ATP10B: variants seen among roughly 807,000 people sequenced by gnomAD.
The protein encoded by ATP10B is phospholipid-transporting ATPase VB.
In ATP10B, 122 loss-of-function variants were observed where a neutral mutation model predicts 141.2. The ratio of observed to expected loss-of-function variants is 0.86; its 90% confidence interval spans 0.75 to 1.00. The LOEUF is 1.00. Ranked by LOEUF, ATP10B falls within the 50% of genes least tolerant of loss-of-function variation. The pLI, the probability that ATP10B is intolerant of heterozygous loss-of-function variation, is 0.00. For missense variants in ATP10B, 1,876 were observed against 1,825.3 expected (o/e 1.03, Z -0.51); for synonymous variants, 685 against 692.0 (o/e 0.99, Z 0.16).
At chr5:160,911,028 C>G in the ATP10B span, among the ~76,000 whole-genome samples, 4 of 152,228 alleles carry the variant, frequency 2.6e-5, no homozygotes, top group Non-Finnish European at 4.4e-5. Context: ...GACCCACCCT[C>G]AGGTATTCCT....
At chr5:160,681,658 C>T (rs934709796) in intron 6 of ATP10B, among the ~76,000 whole-genome samples, 3 of 152,142 alleles carry the variant, frequency 2.0e-5, no homozygotes, top group African/African-American at 4.8e-5. Context: ...ACTTATTATT[C>T]TTTTGCAGAG....
At chr5:160,638,546 G>T (rs1447364520) in intron 10 of ATP10B, among the ~76,000 whole-genome samples, 1 of 152,078 alleles carries the variant, frequency 6.6e-6, no homozygotes. Flanking sequence ...CCTTACAGCT[G>T]TGAGCCAGCC....
intron 3 of ATP10B, among the ~76,000 whole-genome samples, chr5:160,707,812 G>T (rs576694350): frequency 1.3e-5 from 2 of 152,254 alleles, no homozygotes; most frequent in Admixed American, 6.5e-5. Flanking sequence ...CACAGGCTTC[G>T]GCATTTAAGT....
chr5:160,879,793 G>A, the ATP10B span, among the ~76,000 whole-genome samples: 7 of 152,046 alleles, frequency 4.6e-5, no homozygotes, highest in Non-Finnish European at 8.8e-5. Flanking sequence ...AGCCGAGATG[G>A]CGCCACTGCA....
chr5:160,895,972 G>T, the ATP10B span, among the ~76,000 whole-genome samples: 123 of 152,262 alleles, frequency 8.1e-4, 1 homozygote, highest in African/African-American at 2.9e-3. Flanking sequence ...AATGAAGGCA[G>T]AAATAAAGAA....
intron 18 of ATP10B, among the ~76,000 whole-genome samples, chr5:160,607,806 T>G (rs1757480303): frequency 6.6e-6 from 1 of 152,232 alleles, no homozygotes; most frequent in African/African-American, 2.4e-5. Flanking sequence ...CTTTTTCAAT[T>G]TTTTCTTCCA....
In ATP10B at chr5:160,598,975, A is replaced by G; in HGVS notation, c.3364-5T>C. 1 of 1,613,798 alleles carries G rather than the reference A, an allele frequency of 6.2e-7. No individual in the cohort carries two copies. Among genetic ancestry groups the G allele is most frequent in the Non-Finnish European group, 8.5e-7 (1 of 1,179,878 alleles). On this transcript the variant is annotated splice_region_variant and splice_polypyrimidine_tract_variant and intron_variant, in intron 21 of 25. Transcript: ENST00000327245. ...GAAGAGCAGGTTGACGTAGCACTGCAGGCAGAGAGCATGGCCTTGTGAGTG... is the reference window on the plus strand; with the variant it reads ...GAAGAGCAGGTTGACGTAGCACTGCGGGCAGAGAGCATGGCCTTGTGAGTG...
At chr5:160,698,431 C>G (rs1454508405) in intron 3 of ATP10B, among the ~76,000 whole-genome samples, 1 of 152,144 alleles carries the variant, frequency 6.6e-6, no homozygotes, top group Non-Finnish European at 1.5e-5. Context: ...TATTCAAAGG[C>G]ATTATTAATT....
At chr5:160,708,652 T>C (rs1233913596) in intron 3 of ATP10B, among the ~76,000 whole-genome samples, 1 of 152,168 alleles carries the variant, frequency 6.6e-6, no homozygotes, top group Non-Finnish European at 1.5e-5. Flanking sequence ...AGAAGGCATG[T>C]ACAGGTTTGG....
In ATP10B at chr5:160,565,807, C is replaced by T. The variant is rs199604153; in HGVS notation, c.4032G>A (p.Leu1344=). ...IDKLPPDKRN[L]EIQSWRSRQR... ...GTCTGCTTCTCCAACTCTGGATTTC[C>T]AGGTTTCTTTTGTCTGGGGGGAGTT... Residue 1344 remains leucine, a synonymous_variant, in exon 26 of 26, where the codon CTG becomes CTA. Coordinates refer to ENST00000327245, the MANE Select transcript of ATP10B (RefSeq NM_025153.3). 31 of 1,613,944 alleles carry T rather than the reference C, an allele frequency of 1.9e-5. No homozygotes were observed. In the Middle Eastern group the frequency reaches 4.9e-4, roughly 26 times the overall value.
intron 1 of ATP10B, among the ~76,000 whole-genome samples, chr5:160,801,614 C>T (rs1284621954): frequency 6.6e-6 from 1 of 152,152 alleles, no homozygotes; most frequent in African/African-American, 2.4e-5. Context: ...GTATTAAATG[C>T]ATGACTACTT....
At chr5:160,893,724 A>C in the ATP10B span, among the ~76,000 whole-genome samples, 70,114 of 152,040 alleles carry the variant, frequency 0.46, 17,278 homozygotes, top group Non-Finnish European at 0.54. Context: ...CAAGTGGGTC[A>C]CTGATCCCCG....
At chr5:160,623,722 A>G (rs764187979) in intron 13 of ATP10B, among the ~76,000 whole-genome samples, 15 of 152,166 alleles carry the variant, frequency 9.9e-5, no homozygotes, top group Non-Finnish European at 1.6e-4. Context: ...ATTTTACCCC[A>G]GGGATCTGAT....
chr5:160,706,591 T>C (rs1023254601), intron 3 of ATP10B, among the ~76,000 whole-genome samples: 12 of 152,174 alleles, frequency 7.9e-5, no homozygotes, highest in African/African-American at 2.9e-4. Flanking sequence ...CTGAGTCATC[T>C]GTGATTGCCC....
chr5:160,598,583 C>T (rs1009934672), intron 22 of ATP10B, among the ~76,000 whole-genome samples, 187 bp downstream of exon 22: 9 of 151,890 alleles, frequency 5.9e-5, no homozygotes, highest in Non-Finnish European at 7.4e-5. Flanking sequence ...TGGCCCAACA[C>T]CCTCAATAGC....
chr5:160,805,986 C>T (rs532700824), intron 1 of ATP10B, among the ~76,000 whole-genome samples: 2 of 152,126 alleles, frequency 1.3e-5, no homozygotes, highest in Admixed American at 6.5e-5. Flanking sequence ...TAATGTACAT[C>T]CTAGTCCAAG....
At chr5:160,709,087 A>C (rs1765198201) in intron 3 of ATP10B, among the ~76,000 whole-genome samples, 1 of 152,160 alleles carries the variant, frequency 6.6e-6, no homozygotes, top group South Asian at 2.1e-4. Flanking sequence ...TGACAACAAA[A>C]ACTTGTTTCT....
At chr5:160,915,342 T>C in the ATP10B span, among the ~76,000 whole-genome samples, 1 of 151,916 alleles carries the variant, frequency 6.6e-6, no homozygotes, top group South Asian at 2.1e-4. Flanking sequence ...CTGACTTTTT[T>C]TTTTTTTGAG....
At chr5:160,605,688 T>A (rs1401699089) in intron 19 of ATP10B, among the ~76,000 whole-genome samples, 1 of 152,210 alleles carries the variant, frequency 6.6e-6, no homozygotes, top group Non-Finnish European at 1.5e-5. Context: ...GGGTTTCTAT[T>A]TGAAATGTTA....
Sources: gnomAD v4.1 joint callset for allele counts (sites outside exome capture counted in the v4.1 genomes callset) on GRCh38, gnomAD v4.1.1 for gene constraint, MANE v1.5 for transcripts, NCBI Gene and HGNC (gene_info 2026-07-23, HGNC 2026-07-21) for gene names.